The following NFIA variants were observed in gnomAD, a reference collection of about 807,000 sequenced individuals.
NFIA encodes the protein nuclear factor 1 A-type.
Under a neutral mutation model 62.8 loss-of-function variants are expected in NFIA, and 8 were observed. The observed-to-expected ratio is 0.13, with a 90% confidence interval of 0.07 to 0.23. The LOEUF (loss-of-function observed/expected upper bound fraction) is 0.23. Ranked by LOEUF, NFIA falls within the 10% of genes least tolerant of loss-of-function variation. NFIA has a pLI of 1.00. For synonymous variants in NFIA, 235 were observed against 238.1 expected, an observed-to-expected ratio of 0.99 and a Z score of 0.12; for missense variants, 410 against 642.1, an observed-to-expected ratio of 0.64 and a Z score of 3.91.
At chr1:61,422,184 G>A (rs1666651091) in intron 9 of NFIA, among the ~76,000 whole-genome samples, 1 of 152,136 alleles carries the variant, frequency 6.6e-6, no homozygotes, top group Admixed American at 6.5e-5. Context: ...AATCATTTGA[G>A]CTCAAGAGGT....
At chr1:61,393,575 T>C (rs777306908) in intron 7 of NFIA, among the ~76,000 whole-genome samples, 1 of 152,060 alleles carries the variant, frequency 6.6e-6, no homozygotes, top group Non-Finnish European at 1.5e-5. Flanking sequence ...ATAACCCTTA[T>C]GTTTAAAAGA....
intron 2 of NFIA, among the ~76,000 whole-genome samples, chr1:61,256,689 A>G (rs17377379): frequency 0.033 from 4,975 of 152,238 alleles, 106 homozygotes; most frequent in Non-Finnish European, 0.051. Flanking sequence ...GTTAACAGTC[A>G]TGGTTTGTGT....
intron 2 of NFIA, among the ~76,000 whole-genome samples, chr1:61,091,239 A>AT (rs1341032309): frequency 8.6e-5 from 13 of 152,034 alleles, no homozygotes; most frequent in Admixed American, 2.6e-4. Context: ...TCCTTCTGAA[A>AT]TTTGTGTGTA....
At chr1:61,343,415 G>A (rs986733973) in intron 4 of NFIA, among the ~76,000 whole-genome samples, 3 of 152,132 alleles carry the variant, frequency 2.0e-5, no homozygotes, top group African/African-American at 4.8e-5. Flanking sequence ...CCGCCACCAT[G>A]TATATATTCC....
chr1:61,099,110 A>C lies in NFIA; in HGVS notation c.559+10430A>C, dbSNP rs367567670. 5.9e-5 allele frequency among the ~76,000 whole-genome samples: 9 copies of C among 152,250 alleles called. No individual in the cohort carries two copies. In the East Asian group the frequency reaches 1.3e-3, roughly 23 times the overall value. On this transcript the variant is annotated intron_variant, in intron 2 of 10. Transcript: ENST00000403491. ...ACCACCTACATTTTTAAACTACAGT[A>C]ACTCTGATTTCTCTAGAAAGGTCAG...
chr1:61,406,742 G>A lies in NFIA; in HGVS notation c.1420+15G>A, dbSNP rs747457136. ...CACGTCACCAAGTAAGTATGGCTGC[G>A]ACAAGGCGCCGGTCACTTCTAAAGC... On this transcript the variant is annotated intron_variant, in intron 9 of 10. Transcript: ENST00000403491. The A allele has an allele frequency of 3.3e-5, 53 of 1,591,972 alleles. No homozygotes were observed. The highest frequency in any genetic ancestry group is 2.2e-4 in the South Asian group (19 of 86,904).
intron 3 of NFIA, among the ~76,000 whole-genome samples, chr1:61,330,033 G>C (rs1295231989): frequency 6.6e-6 from 1 of 152,184 alleles, no homozygotes; most frequent in East Asian, 1.9e-4. Context: ...AGGAGTCAGG[G>C]ATGATGCCAA....
intron 2 of NFIA, among the ~76,000 whole-genome samples, chr1:61,105,134 C>T (rs1471845265): frequency 6.6e-6 from 1 of 151,902 alleles, no homozygotes; most frequent in African/African-American, 2.4e-5. Flanking sequence ...TCTTATATAT[C>T]TTCTTGCAAT....
intron 3 of NFIA, among the ~76,000 whole-genome samples, chr1:61,290,611 T>C (rs1008729629): frequency 1.3e-5 from 2 of 152,152 alleles, no homozygotes; most frequent in African/African-American, 4.8e-5. Context: ...AACTCTTCAG[T>C]AGGATCCTAA....
chr1:61,253,975 AT>A (rs1656216681), intron 2 of NFIA, among the ~76,000 whole-genome samples: 2 of 151,720 alleles, frequency 1.3e-5, no homozygotes, highest in Admixed American at 1.3e-4. Context: ...GATTTCTTCT[AT>A]TTTGTTTGAT....
At chr1:61,152,545 G>C (rs953847191) in intron 2 of NFIA, among the ~76,000 whole-genome samples, 1 of 152,168 alleles carries the variant, frequency 6.6e-6, no homozygotes, top group African/African-American at 2.4e-5. Flanking sequence ...TTAAAGGTCT[G>C]TCAGTATTTC....
intron 2 of NFIA, among the ~76,000 whole-genome samples, chr1:61,250,434 T>C (rs1029335679): frequency 6.6e-6 from 1 of 152,232 alleles, no homozygotes; most frequent in Non-Finnish European, 1.5e-5. Context: ...TGTTGCTCTT[T>C]GTTTTGCTAA....
intron 3 of NFIA, among the ~76,000 whole-genome samples, chr1:61,281,103 AGT>A (rs1311715288): frequency 1.3e-5 from 2 of 151,960 alleles, no homozygotes; most frequent in African/African-American, 4.8e-5. Flanking sequence ...AGCCAGGCAT[AGT>A]GGCACATGCC....
chr1:61,338,350 G>T (rs1291252940), intron 4 of NFIA, among the ~76,000 whole-genome samples: 1 of 152,232 alleles, frequency 6.6e-6, no homozygotes, highest in Non-Finnish European at 1.5e-5. Context: ...AATGGAGAGT[G>T]GGAGTGAATG....
At chr1:61,391,355 G>A (rs1180119396) in intron 7 of NFIA, among the ~76,000 whole-genome samples, 1 of 151,304 alleles carries the variant, frequency 6.6e-6, no homozygotes, top group African/African-American at 2.4e-5. Context: ...AATAAGTTAT[G>A]CCCTTAGATA....
rs529959449 is a variant in NFIA, at chr1:61,107,216, TAA to T, written c.559+18537_559+18538del. On this transcript the variant is annotated intron_variant, in intron 2 of 10. Coordinates refer to ENST00000403491, the MANE Select transcript of NFIA (RefSeq NM_001134673.4). Reference sequence around the variant, plus strand: ...GTTGAATTACAGGGTGTGTAAATGTTAAGTTTTTTTTTTTAAGAAAAGATAGT... The same window carrying T: ...GTTGAATTACAGGGTGTGTAAATGTTGTTTTTTTTTTTAAGAAAAGATAGT... Among the ~76,000 whole-genome samples the T allele has an allele frequency of 4.8e-3, 719 of 151,158 alleles. 8 individuals are homozygous for T. The highest frequency in any genetic ancestry group is 0.016 in the African/African-American group (662 of 41,074).
chr1:61,356,172 GT>G (rs1391110548), intron 5 of NFIA, among the ~76,000 whole-genome samples: 1 of 152,168 alleles, frequency 6.6e-6, no homozygotes, highest in Non-Finnish European at 1.5e-5. Context: ...CAATTCAGCA[GT>G]TTTTTAGTAT....
intron 3 of NFIA, among the ~76,000 whole-genome samples, chr1:61,298,333 A>T (rs1424000023): frequency 1.3e-5 from 2 of 151,998 alleles, no homozygotes; most frequent in Non-Finnish European, 2.9e-5. Flanking sequence ...CAGAACTGTG[A>T]CTCAAGTATA....
chr1:61,454,737 C>T (rs952179747), intron 10 of NFIA, among the ~76,000 whole-genome samples: 1 of 152,172 alleles, frequency 6.6e-6, no homozygotes, highest in Non-Finnish European at 1.5e-5. Context: ...TTCCACCTTA[C>T]CTCCACTTAT....
Sources: allele counts gnomAD v4.1 joint callset (sites outside exome capture counted in the v4.1 genomes callset), GRCh38; gene constraint gnomAD v4.1.1; transcripts MANE v1.5; gene names NCBI Gene and HGNC (gene_info 2026-07-23, HGNC 2026-07-21).